The following GALNT13 variants were observed in gnomAD, a reference collection of about 807,000 sequenced individuals.
GALNT13 encodes polypeptide N-acetylgalactosaminyltransferase 13, also known as UDP-GalNAc:polypeptide N-acetylgalactosaminyltransferase 13.
In GALNT13, 28 loss-of-function variants were observed where a neutral mutation model predicts 64.2. The ratio of observed to expected loss-of-function variants is 0.44; its 90% CI spans 0.32 to 0.60. GALNT13 has a LOEUF of 0.60. Ranked by LOEUF, GALNT13 falls within the 20% of genes least tolerant of loss-of-function variation. The pLI is 0.05. For missense variants in GALNT13, 577 were observed against 669.8 expected, an observed-to-expected ratio of 0.86 and a Z score of 1.53; for synonymous variants, 214 against 224.6, an observed-to-expected ratio of 0.95 and a Z score of 0.42.
intron 3 of GALNT13, among the ~76,000 whole-genome samples, chr2:154,067,924 A>T (rs1011382088): frequency 9.4e-6 from 1 of 106,692 alleles, no homozygotes; most frequent in Admixed American, 8.8e-5. Flanking sequence ...CAAAGTGGGA[A>T]GACAACCCAC....
chr2:153,515,593 T>C, the GALNT13 span, among the ~76,000 whole-genome samples: 2 of 152,172 alleles, frequency 1.3e-5, no homozygotes, highest in African/African-American at 4.8e-5. Flanking sequence ...AAACTTCTAC[T>C]GAGAAAGACA....
chr2:153,818,008 A>T, the GALNT13 span, among the ~76,000 whole-genome samples: 1 of 152,104 alleles, frequency 6.6e-6, no homozygotes, highest in Non-Finnish European at 1.5e-5. Context: ...CATCTAAGAG[A>T]TCATGCTGGG....
At chr2:153,090,133 C>T in the GALNT13 span, among the ~76,000 whole-genome samples, 2 of 152,144 alleles carry the variant, frequency 1.3e-5, no homozygotes, top group Admixed American at 6.5e-5. Context: ...TTTCTCTGCT[C>T]CCATGGGTTG....
chr2:154,158,209 T>G, intron 4 of GALNT13, among the ~76,000 whole-genome samples: 1 of 152,230 alleles, frequency 6.6e-6, no homozygotes, highest in South Asian at 2.1e-4. Context: ...AGTCCCAAAC[T>G]CAGCACCAGA....
intron 2 of GALNT13, among the ~76,000 whole-genome samples, chr2:153,902,033 C>G (rs1205201405): frequency 6.6e-6 from 1 of 152,124 alleles, no homozygotes; most frequent in African/African-American, 2.4e-5. Context: ...TCCTTTACAT[C>G]ACACTGGCCA....
chr2:153,622,325 A>G, the GALNT13 span, among the ~76,000 whole-genome samples: 1 of 152,284 alleles, frequency 6.6e-6, no homozygotes, highest in South Asian at 2.1e-4. Context: ...TATTGACGGG[A>G]AATTAGTCAT....
intron 3 of GALNT13, among the ~76,000 whole-genome samples, chr2:154,034,545 C>T (rs894979754): frequency 1.4e-5 from 2 of 142,542 alleles, no homozygotes; most frequent in Non-Finnish European, 3.0e-5. Context: ...GAATAGTGTA[C>T]GTCGTACTCA....
chr2:153,493,149 G>A, the GALNT13 span, among the ~76,000 whole-genome samples: 13 of 151,822 alleles, frequency 8.6e-5, no homozygotes, highest in African/African-American at 2.2e-4. Flanking sequence ...AATAGAAGAC[G>A]GAAATAATAA....
At chr2:153,232,779 GCTACC>G in the GALNT13 span, among the ~76,000 whole-genome samples, 3 of 152,204 alleles carry the variant, frequency 2.0e-5, no homozygotes, top group Non-Finnish European at 4.4e-5. Flanking sequence ...GCACTGGCCA[GCTACC>G]CTATGTTGAG....
rs757069112 is a variant in GALNT13 at position 154,230,379 on chromosome 2, AT to A, written c.312-11649del. 1.9e-3 allele frequency among the ~76,000 whole-genome samples: 284 copies of A among 152,246 alleles called. 1 individual carries two copies. Among genetic ancestry groups the A allele is most frequent in the Non-Finnish European group, 3.2e-3 (220 of 68,000 alleles). On this transcript the variant is annotated intron_variant, in intron 4 of 12. Transcript: ENST00000392825. ...TAACTACTTCCAATAGCATGAAAGA[AT>A]TATATTCAGAGGTTACATAAAGGGA...
the GALNT13 span, among the ~76,000 whole-genome samples, chr2:153,711,404 T>A: frequency 2.0e-5 from 3 of 152,276 alleles, no homozygotes; most frequent in Admixed American, 2.0e-4. Flanking sequence ...GTATACTGCA[T>A]AGCTCAGTAC....
chr2:154,335,932 T>G (rs372817467), intron 9 of GALNT13, among the ~76,000 whole-genome samples: 1 of 151,984 alleles, frequency 6.6e-6, no homozygotes, highest in Admixed American at 6.6e-5. Flanking sequence ...AGTCTAAATT[T>G]ATGTATTTTT....
chr2:154,159,536 G>T (rs758184328), intron 4 of GALNT13, among the ~76,000 whole-genome samples: 4 of 152,150 alleles, frequency 2.6e-5, no homozygotes, highest in Non-Finnish European at 4.4e-5. Flanking sequence ...TATATATTCT[G>T]ATTGCACACA....
chr2:153,557,574 C>A, the GALNT13 span, among the ~76,000 whole-genome samples: 1 of 152,154 alleles, frequency 6.6e-6, no homozygotes, highest in Non-Finnish European at 1.5e-5. Context: ...CTTGCTTGAA[C>A]ATTTGCAACA....
intron 7 of GALNT13, among the ~76,000 whole-genome samples, chr2:154,257,024 CATT>C (rs1385641943): frequency 1.3e-5 from 2 of 151,994 alleles, no homozygotes; most frequent in African/African-American, 4.8e-5. Context: ...AGGTATTAAA[CATT>C]ATAAGGCAGA....
At chr2:154,210,009 C>A (rs1164406493) in intron 4 of GALNT13, among the ~76,000 whole-genome samples, 1 of 152,102 alleles carries the variant, frequency 6.6e-6, no homozygotes, top group African/African-American at 2.4e-5. Flanking sequence ...CCTTTTCCAC[C>A]ACCTCTCAGC....
chr2:154,287,514 G>A, intron 8 of GALNT13: 1 of 260,190 alleles, frequency 3.8e-6, no homozygotes, highest in Non-Finnish European at 7.7e-6. Flanking sequence ...ACCCCAGATT[G>A]GATGATTTCC....
At chr2:153,095,023 C>A in the GALNT13 span, among the ~76,000 whole-genome samples, 4 of 152,034 alleles carry the variant, frequency 2.6e-5, no homozygotes, top group African/African-American at 9.7e-5. Flanking sequence ...GCAACAAAAG[C>A]CAAAATTGAC....
chr2:154,169,126 C>T (rs1185841156), intron 4 of GALNT13, among the ~76,000 whole-genome samples: 1 of 152,058 alleles, frequency 6.6e-6, no homozygotes, highest in African/African-American at 2.4e-5. Flanking sequence ...CCGCTACCAC[C>T]ACAGGGGACA....
Sources: allele counts gnomAD v4.1 joint callset (sites outside exome capture counted in the v4.1 genomes callset), GRCh38; gene constraint gnomAD v4.1.1; transcripts MANE v1.5; gene names NCBI Gene and HGNC (gene_info 2026-07-23, HGNC 2026-07-21).